The following STK26 variants were observed in gnomAD, a reference collection of about 807,000 sequenced individuals.
The protein encoded by STK26 is serine/threonine-protein kinase 26.
STK26 carries 14 observed loss-of-function variants against 34.7 expected under a neutral mutation model. The ratio of observed to expected loss-of-function variants is 0.40; its 90% CI spans 0.27 to 0.63. The LOEUF (loss-of-function observed/expected upper bound fraction) is 0.63, where lower values mean the gene tolerates loss of function less well. STK26 is among the 30% of genes least tolerant of loss of function. The pLI, the probability that STK26 is intolerant of heterozygous loss-of-function variation, is 0.38. For missense variants in STK26, 226 were observed against 309.1 expected (o/e 0.73, Z 2.02); for synonymous variants, 100 against 109.8 (o/e 0.91, Z 0.56).
intron 2 of STK26, among the ~76,000 whole-genome samples, chrX:132,045,813 A>G (rs1926479612): frequency 8.9e-6 from 1 of 112,218 alleles, no homozygotes; most frequent in South Asian, 3.7e-4. Flanking sequence ...GAGAGTTAGT[A>G]AAAAACAAAA....
chrX:132,040,738 G>A (rs1487829393), intron 2 of STK26, among the ~76,000 whole-genome samples: 1 of 111,627 alleles, frequency 9.0e-6, no homozygotes, highest in Non-Finnish European at 1.9e-5. Context: ...CTTGTACTGA[G>A]TAAGTGTCTT....
At chrX:132,045,406 G>C (rs2124156478) in intron 2 of STK26, among the ~76,000 whole-genome samples, 1 of 111,948 alleles carries the variant, frequency 8.9e-6, no homozygotes, top group South Asian at 3.7e-4. Flanking sequence ...AAAGGGACTT[G>C]GCTTCTAATA....
At chrX:132,063,368 C>A in intron 3 of STK26, 65 bp from the exon 4 acceptor site, 2 of 977,864 alleles carry the variant, frequency 2.0e-6, no homozygotes, top group South Asian at 2.1e-5. Context: ...TGAGATTTAA[C>A]ATTTTTGCTA....
Position 132,069,539 on chromosome X carries a change from C to T in STK26, c.659C>T (p.Ser220Phe), listed in dbSNP as rs762687456. The T allele has an allele frequency of 8.5e-7, 1 of 1,177,511 alleles. No individual in the cohort carries two copies. The highest frequency in any genetic ancestry group is 1.9e-5 in the South Asian group (1 of 51,355). ...CTAGCCAAGGGAGAGCCACCTAACTCCGATATGCATCCAATGAGAGTTCTG... is the reference window on the plus strand; with the variant it reads ...CTAGCCAAGGGAGAGCCACCTAACTTCGATATGCATCCAATGAGAGTTCTG... The part of the protein sequence containing the change: ...IELAKGEPPN[S>F]DMHPMRVLFL... Residue 220 changes from serine (S) to phenylalanine (F), a missense_variant, in exon 7 of 12, where the codon TCC (serine) becomes TTC (phenylalanine). This residue lies in a region of STK26 where 100 missense variants were observed against 176.7 expected (regional missense o/e 0.57). Transcript: ENST00000394334.
intron 2 of STK26, among the ~76,000 whole-genome samples, chrX:132,040,012 G>C: frequency 8.9e-6 from 1 of 111,899 alleles, no homozygotes; most frequent in East Asian, 2.8e-4. Flanking sequence ...TTTCATATAA[G>C]GATTCTTTAG....
At chrX:132,051,169 T>C (rs1223790990) in intron 2 of STK26, among the ~76,000 whole-genome samples, 1 of 112,180 alleles carries the variant, frequency 8.9e-6, no homozygotes, top group Non-Finnish European at 1.9e-5. Context: ...ACAAGCAAGA[T>C]GTTCACCTAA....
intron 2 of STK26, among the ~76,000 whole-genome samples, chrX:132,037,987 T>C (rs1926124824): frequency 9.1e-6 from 1 of 109,480 alleles, no homozygotes; most frequent in Admixed American, 9.8e-5. Flanking sequence ...TAATAGCAAG[T>C]GAAAAAAAAC....
intron 3 of STK26, among the ~76,000 whole-genome samples, chrX:132,061,944 C>T (rs183127826): frequency 9.0e-6 from 1 of 111,655 alleles, no homozygotes; most frequent in East Asian, 2.8e-4. Flanking sequence ...TTCTGGCATC[C>T]CAAGTTGAGG....
intron 2 of STK26, among the ~76,000 whole-genome samples, chrX:132,024,751 G>GT (rs200767685): frequency 0.013 from 1,264 of 95,666 alleles, 7 homozygotes; most frequent in African/African-American, 0.014. Context: ...GATACATGGA[G>GT]TTTTTTTTTT....
rs1168346278 is a variant in STK26, at chrX:132,068,485, T to C, written c.513T>C (p.Asp171=). Residue 171 remains aspartate (D), a synonymous_variant, in exon 6 of 12, where the codon GAT becomes GAC. Transcript: ENST00000394334. ...ADFGVAGQLT[D]TQIKRNTFVG... ...TTGGAGTTGCTGGTCAGCTGACAGA[T>C]ACACAGATTAAAAGAAATACCTTTG... 2 of 1,209,077 alleles carry C rather than the reference T, an allele frequency of 1.7e-6. No homozygotes were observed. Among genetic ancestry groups the C allele is most frequent in the Non-Finnish European group, 1.1e-6 (1 of 894,705 alleles).
intron 3 of STK26, among the ~76,000 whole-genome samples, chrX:132,057,275 T>C (rs1245342362): frequency 9.0e-6 from 1 of 111,390 alleles, no homozygotes; most frequent in East Asian, 2.8e-4. Flanking sequence ...CTGGCAGAAA[T>C]GGCTGTTGAC....
chrX:132,043,538 C>T (rs934558183), intron 2 of STK26, among the ~76,000 whole-genome samples: 2 of 111,495 alleles, frequency 1.8e-5, no homozygotes, highest in Middle Eastern at 4.2e-3. Context: ...TTTATGTAAC[C>T]TCCTGTTTAG....
At chrX:132,062,450 A>C (rs1927085132) in intron 3 of STK26, among the ~76,000 whole-genome samples, 1 of 112,403 alleles carries the variant, frequency 8.9e-6, no homozygotes, top group Admixed American at 9.4e-5. Flanking sequence ...TTCAGCTCAC[A>C]GGGAAGTTAA....
intron 3 of STK26, among the ~76,000 whole-genome samples, chrX:132,060,659 G>A (rs915350508): frequency 4.8e-5 from 5 of 105,113 alleles, no homozygotes; most frequent in Admixed American, 1.0e-4. Context: ...TCTGTCTCCC[G>A]AGCTGGAGTA....
intron 2 of STK26, among the ~76,000 whole-genome samples, chrX:132,052,310 G>A (rs1813938750): frequency 9.0e-6 from 1 of 111,416 alleles, no homozygotes; most frequent in African/African-American, 3.3e-5. Flanking sequence ...ATGGGGCAGG[G>A]GTCTCTATCC....
intron 3 of STK26, among the ~76,000 whole-genome samples, chrX:132,058,000 T>C (rs1197499631): frequency 8.9e-6 from 1 of 112,006 alleles, no homozygotes; most frequent in Admixed American, 9.5e-5. Context: ...GAGGTGATAA[T>C]GCTAGTAATT....
chrX:132,069,794 C>T (rs950513473), intron 7 of STK26, 131 bp downstream of exon 7: 12 of 352,953 alleles, frequency 3.4e-5, no homozygotes, highest in Admixed American at 1.3e-4. Flanking sequence ...GAACCTGGTT[C>T]GTCCTTCTGT....
At chrX:132,038,663 T>G (rs991300907) in intron 2 of STK26, among the ~76,000 whole-genome samples, 6 of 111,201 alleles carry the variant, frequency 5.4e-5, no homozygotes, top group Non-Finnish European at 1.1e-4. Flanking sequence ...TAATTTGAAC[T>G]GCTATTTTGT....
At chrX:132,069,434 T>C (rs1602779537) in intron 6 of STK26, 44 bp from the exon 7 acceptor site, 1 of 161,183 alleles carries the variant, frequency 6.2e-6, no homozygotes, top group Non-Finnish European at 1.1e-5. Flanking sequence ...TATATATATA[T>C]ATATATATAT....
Sources: gnomAD v4.1 joint callset for allele counts (sites outside exome capture counted in the v4.1 genomes callset) on GRCh38, gnomAD v4.1.1 for gene constraint, gnomAD v4.1.1 regional missense constraint, MANE v1.5 for transcripts, NCBI Gene and HGNC (gene_info 2026-07-23, HGNC 2026-07-21) for gene names.